The following FAM20C variants were observed in gnomAD, a reference collection of about 807,000 sequenced individuals.
FAM20C encodes FAM20C golgi associated secretory pathway kinase.
FAM20C carries 40 observed loss-of-function variants against 51.5 expected under a neutral mutation model. The observed-to-expected ratio is 0.78, with a 90% CI of 0.60 to 1.01. The LOEUF is 1.01. Among genes scored for constraint, FAM20C ranks in the 50% least tolerant of loss-of-function variants. The pLI, the probability that FAM20C is intolerant of heterozygous loss-of-function variation, is 0.00. For missense variants in FAM20C, 861 were observed against 844.7 expected (o/e 1.02, Z -0.24); for synonymous variants, 406 against 380.6 (o/e 1.07, Z -0.78).
chr7:259,470 C>CTG (rs1161111768), intron 9 of FAM20C, among the ~76,000 whole-genome samples: 11 of 147,120 alleles, frequency 7.5e-5, no homozygotes, highest in South Asian at 2.1e-4. Context: ...CTCTCTCTGT[C>CTG]TCGGTCTGCC....
At position 193,580 on chromosome 7, in the gene FAM20C, C is replaced by A. The variant is rs1583269699; in HGVS notation, c.381C>A (p.Gly127=). 6.7e-7 allele frequency: 1 copy of A among 1,495,014 alleles called. No homozygotes were observed. Among genetic ancestry groups the A allele is most frequent in the Non-Finnish European group, 8.9e-7 (1 of 1,120,984 alleles). The allele number at this position is 1,495,014 out of a possible 1,614,324, so 92.6% of individuals were successfully genotyped here. The part of the protein sequence containing the change: ...AERALRGRDP[G]ALRPHDPAHR... ...GCGCCTTGCGGGGGCGGGATCCCGG[C>A]GCCCTAAGACCCCACGACCCCGCGC... The change falls in exon 1 of 10, where the codon GGC becomes GGA. Residue 127 remains glycine, a synonymous_variant. Coordinates refer to ENST00000313766, the MANE Select transcript of FAM20C (RefSeq NM_020223.4).
intron 3 of FAM20C, among the ~76,000 whole-genome samples, chr7:216,684 AGT>A (rs1176075605): frequency 4.7e-5 from 7 of 149,484 alleles, no homozygotes; most frequent in Admixed American, 2.7e-4. Flanking sequence ...TGTGTGTGAG[AGT>A]GTGTGTGTGT....
chr7:198,524 T>C (rs1785986729), intron 2 of FAM20C, among the ~76,000 whole-genome samples: 1 of 152,304 alleles, frequency 6.6e-6, no homozygotes, highest in Non-Finnish European at 1.5e-5. Flanking sequence ...CTCTGTTACA[T>C]TGAATAGTCA....
At chr7:193,878 G>T in intron 1 of FAM20C, 74 bp downstream of exon 1, 3 of 1,473,704 alleles carry the variant, frequency 2.0e-6, no homozygotes, top group Non-Finnish European at 2.7e-6. Context: ...AGGTTCAGGG[G>T]CCCCAGAGGG....
At chr7:253,878 C>A (rs1788495315) in intron 5 of FAM20C, among the ~76,000 whole-genome samples, 1 of 152,242 alleles carries the variant, frequency 6.6e-6, no homozygotes, top group Non-Finnish European at 1.5e-5. Context: ...GAATTTTAAG[C>A]CTCCAGCCAA....
At chr7:242,562 C>A (rs1787976310) in intron 3 of FAM20C, among the ~76,000 whole-genome samples, 1 of 152,092 alleles carries the variant, frequency 6.6e-6, no homozygotes, top group African/African-American at 2.4e-5. Flanking sequence ...ACTCGGCCCC[C>A]TCCATCCTGG....
chr7:226,624 G>A lies in FAM20C; in HGVS notation c.863+17648G>A, dbSNP rs757528658. On this transcript the variant is annotated intron_variant, in intron 3 of 9. Coordinates refer to ENST00000313766, the MANE Select transcript of FAM20C (RefSeq NM_020223.4). ...CAGGTCTGTGGGGACGGGCACAGGC[G>A]GCCGCTCCACCCCACTGCCCACGAC... Among the ~76,000 whole-genome samples the A allele has an allele frequency of 1.8e-4, 27 of 152,050 alleles. 2 individuals carry two copies. Among genetic ancestry groups the A allele is most frequent in the African/African-American group, 4.6e-4 (19 of 41,388 alleles).
chr7:257,167 GA>G (rs1187778325), intron 8 of FAM20C, 81 bp downstream of exon 8: 24 of 1,334,260 alleles, frequency 1.8e-5, no homozygotes, highest in Non-Finnish European at 2.5e-5. Flanking sequence ...AGACCCTGGG[GA>G]CGGGGGGAGC....
chr7:206,747 ACTG>A lies in FAM20C; in HGVS notation c.785-2150_785-2148del, dbSNP rs1562368403. On this transcript the variant is annotated intron_variant, in intron 2 of 9. Coordinates refer to ENST00000313766, the MANE Select transcript of FAM20C (RefSeq NM_020223.4). ...TCCCCTCGGCCCCGCACACGTGCTC[ACTG>A]TCCACTGTGACGCGTCTGTCACGGT... 4.8e-3 allele frequency among the ~76,000 whole-genome samples: 318 copies of A among 66,680 alleles called. 6 individuals are homozygous for A. Among genetic ancestry groups the A allele is most frequent in the East Asian group, 0.015 (26 of 1,680 alleles). The allele number at this position is 66,680 out of a possible 152,430, so 43.7% of individuals were successfully genotyped here.
chr7:218,362 G>A (rs556620829), intron 3 of FAM20C, among the ~76,000 whole-genome samples: 4 of 152,324 alleles, frequency 2.6e-5, no homozygotes, highest in African/African-American at 4.8e-5. Flanking sequence ...TGTGTCCTGC[G>A]GGGCCTCCGT....
At chr7:208,312 C>A (rs563622381) in intron 2 of FAM20C, among the ~76,000 whole-genome samples, 1 of 144,474 alleles carries the variant, frequency 6.9e-6, no homozygotes, top group African/African-American at 2.6e-5. Context: ...CGAGATTAGG[C>A]CCTTGTGTCT....
intron 3 of FAM20C, among the ~76,000 whole-genome samples, chr7:224,325 C>T (rs111227542): frequency 2.1e-4 from 7 of 33,698 alleles, no homozygotes; most frequent in Admixed American, 9.0e-4. Context: ...GGTCGCACGG[C>T]GGCTGTCCCC....
At chr7:222,916 A>G (rs559641101) in intron 3 of FAM20C, among the ~76,000 whole-genome samples, 2 of 151,494 alleles carry the variant, frequency 1.3e-5, no homozygotes, top group African/African-American at 4.9e-5. Context: ...AAGGGTGTGC[A>G]TGTGTGGGTG....
rs944143152 is a variant in FAM20C, at chr7:246,409, T to C, written c.864-6T>C. The C allele has an allele frequency of 2.9e-6, 4 of 1,388,958 alleles. No individual in the cohort carries two copies. The highest frequency in any genetic ancestry group is 3.8e-6 in the Non-Finnish European group (4 of 1,064,570). The allele number at this position is 1,388,958 out of a possible 1,614,324, so 86.0% of individuals were successfully genotyped here. A position where few individuals can be genotyped will look rare whatever the true frequency, so the allele number is the denominator to read the frequency against. On this transcript the variant is annotated splice_polypyrimidine_tract_variant and splice_region_variant and intron_variant, in intron 3 of 9. Transcript: ENST00000313766. Reference sequence around the variant, plus strand: ...AACCGTTTCTGTTTCTGTCTTGTTTTCTCAGACAAACGAGGGAGCAGGAGA... The same window carrying C: ...AACCGTTTCTGTTTCTGTCTTGTTTCCTCAGACAAACGAGGGAGCAGGAGA...
chr7:205,037 T>C (rs890948350), intron 2 of FAM20C, among the ~76,000 whole-genome samples: 3 of 152,214 alleles, frequency 2.0e-5, no homozygotes, highest in South Asian at 4.1e-4. Context: ...ATGAGGCGTG[T>C]CACCCCCATT....
In FAM20C at chr7:255,856, C is replaced by T; in HGVS notation, c.1080C>T (p.Asn360=). The T allele has an allele frequency of 1.3e-6, 2 of 1,536,426 alleles. No individual in the cohort carries two copies. The highest frequency in any genetic ancestry group is 1.7e-6 in the Non-Finnish European group (2 of 1,146,836). Residue 360 remains asparagine (N), a synonymous_variant, in exon 6 of 10, where the codon AAC becomes AAT. Coordinates refer to ENST00000313766, the MANE Select transcript of FAM20C (RefSeq NM_020223.4). ...WRTFFISPAN[N]ICFYGECSYY... ...CAGCCTGTCCCTCCCCAGCCAACAA[C>T]ATCTGCTTCTACGGCGAGTGTTCCT... is the stretch of plus-strand genomic sequence containing the variant.
At chr7:194,344 G>A (rs1785744181) in intron 1 of FAM20C, among the ~76,000 whole-genome samples, 1 of 152,098 alleles carries the variant, frequency 6.6e-6, no homozygotes, top group African/African-American at 2.4e-5. Flanking sequence ...AGAGATGATG[G>A]CTCGATAAAG....
chr7:259,205 G>A (rs377725733), intron 9 of FAM20C, among the ~76,000 whole-genome samples: 8 of 148,340 alleles, frequency 5.4e-5, no homozygotes, highest in African/African-American at 1.6e-4. Context: ...TGAGTGGGCC[G>A]CCCTCCTCAC....
At chr7:234,379 C>T (rs1208124684) in intron 3 of FAM20C, among the ~76,000 whole-genome samples, 6 of 152,198 alleles carry the variant, frequency 3.9e-5, no homozygotes, top group Admixed American at 6.5e-5. Flanking sequence ...TGGGCGTGGC[C>T]GGGTGCAGCT....
Sources: allele counts gnomAD v4.1 joint callset (sites outside exome capture counted in the v4.1 genomes callset), GRCh38; gene constraint gnomAD v4.1.1; transcripts MANE v1.5; gene names NCBI Gene and HGNC (gene_info 2026-07-23, HGNC 2026-07-21).